Variants in PTPRK observed in about 807,000 individuals in gnomAD.
PTPRK encodes receptor-type tyrosine-protein phosphatase kappa.
In PTPRK, 75 loss-of-function variants were observed where a neutral mutation model predicts 178.0. The observed-to-expected ratio is 0.42, with a 90% CI of 0.35 to 0.51. PTPRK has a LOEUF of 0.51. Among genes scored for constraint, PTPRK ranks in the 20% least tolerant of loss-of-function variants. The pLI is 0.02. For missense variants in PTPRK, 1,441 were observed against 1,797.8 expected (o/e 0.80, Z 3.59); for synonymous variants, 637 against 620.6 (o/e 1.03, Z -0.39).
At chr6:128,251,380 A>G (rs1420864643) in intron 3 of PTPRK, among the ~76,000 whole-genome samples, 1 of 152,186 alleles carries the variant, frequency 6.6e-6, no homozygotes, top group African/African-American at 2.4e-5. Flanking sequence ...TCGATTCTTC[A>G]TCTAACCCCT....
chr6:128,057,988 T>A (rs918680664), intron 13 of PTPRK, among the ~76,000 whole-genome samples: 5 of 152,202 alleles, frequency 3.3e-5, no homozygotes, highest in African/African-American at 1.2e-4. Context: ...ATGTATATTA[T>A]TTTGTGTAGT....
At chr6:128,242,861 C>T (rs1814717963) in intron 3 of PTPRK, among the ~76,000 whole-genome samples, 1 of 152,110 alleles carries the variant, frequency 6.6e-6, no homozygotes, top group South Asian at 2.1e-4. Context: ...TGTTATATAT[C>T]CTGAATAGGC....
At chr6:128,069,424 CAGG>C (rs1782420951) in intron 11 of PTPRK, among the ~76,000 whole-genome samples, 1 of 152,100 alleles carries the variant, frequency 6.6e-6, no homozygotes, top group Non-Finnish European at 1.5e-5. Flanking sequence ...ATCCATGGAG[CAGG>C]CATTTGTCAA....
chr6:128,000,392 T>C (rs1397241262), intron 15 of PTPRK: 1 of 1,097,908 alleles, frequency 9.1e-7, no homozygotes, highest in African/African-American at 1.7e-5. Context: ...TAATTTAGCT[T>C]GATTGCATTT....
At chr6:128,363,167 T>C (rs1414013613) in intron 2 of PTPRK, among the ~76,000 whole-genome samples, 1 of 152,164 alleles carries the variant, frequency 6.6e-6, no homozygotes, top group African/African-American at 2.4e-5. Context: ...CTGCCCACAT[T>C]TCTCATCCTG....
At chr6:128,359,497 A>G (rs1453872083) in intron 2 of PTPRK, among the ~76,000 whole-genome samples, 1 of 152,124 alleles carries the variant, frequency 6.6e-6, no homozygotes, top group Non-Finnish European at 1.5e-5. Context: ...CACGCCTGTA[A>G]TCCCAGCACT....
intron 1 of PTPRK, among the ~76,000 whole-genome samples, chr6:128,508,523 AT>A (rs1339616045): frequency 6.6e-6 from 1 of 152,218 alleles, no homozygotes; most frequent in Admixed American, 6.5e-5. Flanking sequence ...TTAATAACTT[AT>A]TTTATAATCA....
Position 128,444,846 on chromosome 6 carries a change from C to T in PTPRK, c.101-47158G>A, listed in dbSNP as rs147968248. Among the ~76,000 whole-genome samples the T allele has an allele frequency of 1.5e-3, 227 of 152,176 alleles. 1 individual carries two copies. Among genetic ancestry groups the T allele is most frequent in the Non-Finnish European group, 2.2e-3 (153 of 68,008 alleles). On this transcript the variant is annotated intron_variant, in intron 1 of 29. Transcript: ENST00000368226. ...CCTTCAAAGCCAGGATTTTCACACA[C>T]CATTTATATGAGCAGGTGAAATTAT...
At chr6:128,280,302 C>T (rs1821466288) in intron 3 of PTPRK, among the ~76,000 whole-genome samples, 1 of 152,122 alleles carries the variant, frequency 6.6e-6, no homozygotes, top group Non-Finnish European at 1.5e-5. Flanking sequence ...GGGAGGCTGG[C>T]ACTTAACACA....
intron 13 of PTPRK, among the ~76,000 whole-genome samples, chr6:128,060,152 G>A (rs1267999229): frequency 6.6e-6 from 1 of 152,136 alleles, no homozygotes; most frequent in African/African-American, 2.4e-5. Context: ...TAGTAATGGT[G>A]AACTGTCGCC....
chr6:128,249,909 T>A (rs1478770352), intron 3 of PTPRK, among the ~76,000 whole-genome samples: 1 of 152,210 alleles, frequency 6.6e-6, no homozygotes, highest in African/African-American at 2.4e-5. Flanking sequence ...CCAAATCTCA[T>A]CTTGCATTGT....
At chr6:128,469,466 GAT>G (rs1850325171) in intron 1 of PTPRK, among the ~76,000 whole-genome samples, 1 of 152,136 alleles carries the variant, frequency 6.6e-6, no homozygotes. Context: ...GCTTTAAAGA[GAT>G]ATTCTAGCAC....
intron 6 of PTPRK, among the ~76,000 whole-genome samples, chr6:128,192,788 G>A (rs1190618277): frequency 6.7e-6 from 1 of 148,826 alleles, no homozygotes; most frequent in Non-Finnish European, 1.5e-5. Context: ...CTGCACTCCA[G>A]TGTGGGCAAC....
intron 13 of PTPRK, among the ~76,000 whole-genome samples, chr6:128,031,465 G>C (rs895317233): frequency 2.0e-5 from 3 of 152,142 alleles, no homozygotes; most frequent in Non-Finnish European, 4.4e-5. Flanking sequence ...CATAAGACTG[G>C]GAAATGTGAA....
chr6:128,018,188 C>G (rs1450518908), intron 13 of PTPRK, among the ~76,000 whole-genome samples: 1 of 151,994 alleles, frequency 6.6e-6, no homozygotes, highest in Non-Finnish European at 1.5e-5. Context: ...ATGATTTTTA[C>G]ATAGTTACCA....
At chr6:128,140,574 A>G (rs1795634539) in intron 7 of PTPRK, among the ~76,000 whole-genome samples, 3 of 152,016 alleles carry the variant, frequency 2.0e-5, no homozygotes, top group African/African-American at 7.2e-5. Context: ...CCAAAAATTT[A>G]TAGAAAAATT....
In PTPRK at chr6:127,992,679, T is replaced by G; in HGVS notation, c.2875A>C (p.Thr959Pro). The change falls in exon 19 of 30, where the codon ACC (threonine) becomes CCC (proline). Residue 959 changes from threonine (T) to proline (P), a missense_variant. By Grantham distance (38) the Thr-to-Pro change is conservative (BLOSUM62 -1). This residue lies in a region of PTPRK where 945 missense variants were observed against 1,080.6 expected (regional missense o/e 0.87). Transcript: ENST00000368226. ...GYQRPSHYIA[T>P]QGPVHETVYD... ...TAACAAGGCAAAGTTTTACCTTGGG[T>G]TGCAATGTAATGACTTGGTCTCTGG... 6.3e-7 allele frequency: 1 copy of G among 1,589,848 alleles called. No homozygotes were observed. The highest frequency in any genetic ancestry group is 8.5e-7 in the Non-Finnish European group (1 of 1,169,758).
intron 1 of PTPRK, among the ~76,000 whole-genome samples, chr6:128,495,019 C>T (rs1417320379): frequency 6.6e-6 from 1 of 152,184 alleles, no homozygotes; most frequent in Non-Finnish European, 1.5e-5. Flanking sequence ...AGACAAACCA[C>T]TAAAGAAAAT....
chr6:128,104,516 C>T (rs984342214), intron 7 of PTPRK, among the ~76,000 whole-genome samples: 8 of 152,338 alleles, frequency 5.3e-5, no homozygotes, highest in African/African-American at 1.4e-4. Context: ...GCCACCACGC[C>T]CGGCCTATAT....
Sources: gnomAD v4.1 joint callset for allele counts (sites outside exome capture counted in the v4.1 genomes callset) on GRCh38, gnomAD v4.1.1 for gene constraint, gnomAD v4.1.1 regional missense constraint, MANE v1.5 for transcripts, NCBI Gene and HGNC (gene_info 2026-07-23, HGNC 2026-07-21) for gene names.